MAP2K1: variants seen among roughly 807,000 people sequenced by gnomAD.
MAP2K1 encodes the protein mitogen-activated protein kinase kinase 1.
Under a neutral mutation model 46.3 loss-of-function variants are expected in MAP2K1, and 16 were observed. That is an observed-to-expected ratio of 0.35 (90% confidence interval 0.23 to 0.52). The LOEUF (loss-of-function observed/expected upper bound fraction) is 0.52. Ranked by LOEUF, MAP2K1 falls within the 20% of genes least tolerant of loss-of-function variation. The probability of loss-of-function intolerance (pLI) is 0.94; values close to 1 mark genes in which losing one functional copy is unlikely to be tolerated. For missense variants in MAP2K1, 263 were observed against 497.1 expected (o/e 0.53, Z 4.48); for synonymous variants, 183 against 185.6 (o/e 0.99, Z 0.11).
chr15:66,409,502 A>G lies in MAP2K1; in HGVS notation c.80+22075A>G, dbSNP rs2093406120. On this transcript the variant is annotated intron_variant, in intron 1 of 10. Coordinates refer to ENST00000307102, the MANE Select transcript of MAP2K1 (RefSeq NM_002755.4). ...ATGTGACATGGGTGGCTGAATTTACATGGCACCTGGTGGCTTCTCACACTC... is the reference window on the plus strand; with the variant it reads ...ATGTGACATGGGTGGCTGAATTTACGTGGCACCTGGTGGCTTCTCACACTC... 2.6e-5 allele frequency among the ~76,000 whole-genome samples: 4 copies of G among 152,216 alleles called. No homozygotes were observed. In the South Asian group the frequency reaches 8.3e-4, roughly 32 times the overall value.
chr15:66,410,212 C>T (rs2093407995), intron 1 of MAP2K1, among the ~76,000 whole-genome samples: 1 of 152,146 alleles, frequency 6.6e-6, no homozygotes, highest in Admixed American at 6.6e-5. Flanking sequence ...ATGGCATGTT[C>T]AGTTTGAAAT....
At chr15:66,484,869 G>C in intron 6 of MAP2K1, 121 bp from the exon 7 acceptor site, 1 of 893,414 alleles carries the variant, frequency 1.1e-6, no homozygotes, top group Non-Finnish European at 1.9e-6. Context: ...AAATTCAAGA[G>C]GTTAGTGGAG....
intron 1 of MAP2K1, among the ~76,000 whole-genome samples, chr15:66,428,462 A>G (rs1163027347): frequency 1.3e-5 from 2 of 152,144 alleles, no homozygotes; most frequent in Admixed American, 6.5e-5. Context: ...GTCCAGAGGC[A>G]GGCTACCAGC....
At chr15:66,489,082 G>A (rs1032474050) in intron 8 of MAP2K1, 133 bp from the exon 9 acceptor site, 1 of 745,566 alleles carries the variant, frequency 1.3e-6, no homozygotes, top group African/African-American at 1.7e-5. Flanking sequence ...CTGGATGAGA[G>A]TAGTACTGCC....
At chr15:66,490,315 T>C in intron 10 of MAP2K1, 187 bp from the exon 11 acceptor site, 1 of 700,560 alleles carries the variant, frequency 1.4e-6, no homozygotes, top group Non-Finnish European at 2.6e-6. Flanking sequence ...GCCTCACAGC[T>C]GCTGTGACTG....
chr15:66,455,506 CGTG>C (rs1166582953), intron 5 of MAP2K1, among the ~76,000 whole-genome samples: 9 of 152,160 alleles, frequency 5.9e-5, no homozygotes, highest in African/African-American at 1.4e-4. Flanking sequence ...AGAAGTGCCT[CGTG>C]GTATTTTGAG....
chr15:66,404,850 A>G (rs1255133563), intron 1 of MAP2K1, among the ~76,000 whole-genome samples: 3 of 152,322 alleles, frequency 2.0e-5, no homozygotes, highest in East Asian at 3.9e-4. Context: ...GCTTGCCCTC[A>G]GCTGAGGACC....
chr15:66,438,047 A>AT (rs2093493251), intron 3 of MAP2K1, among the ~76,000 whole-genome samples: 1 of 92,260 alleles, frequency 1.1e-5, no homozygotes, highest in Non-Finnish European at 2.4e-5. Flanking sequence ...ATTTATTTTT[A>AT]TTTTTTAGGG....
At chr15:66,441,121 T>A (rs2093502507) in intron 3 of MAP2K1, among the ~76,000 whole-genome samples, 1 of 152,094 alleles carries the variant, frequency 6.6e-6, no homozygotes, top group Non-Finnish European at 1.5e-5. Context: ...TGCATCACCA[T>A]GTCCAGCTAA....
At chr15:66,436,501 T>G (rs146273783) in intron 2 of MAP2K1, among the ~76,000 whole-genome samples, 3 of 152,278 alleles carry the variant, frequency 2.0e-5, no homozygotes, top group Non-Finnish European at 4.4e-5. Flanking sequence ...GAGTAAGCCC[T>G]CCCTTAACTT....
At chr15:66,454,865 A>G (rs957085467) in intron 5 of MAP2K1, among the ~76,000 whole-genome samples, 1 of 151,974 alleles carries the variant, frequency 6.6e-6, no homozygotes, top group African/African-American at 2.4e-5. Flanking sequence ...CCTAGGTGAC[A>G]GAGTGAGACT....
chr15:66,453,473 G>A (rs1237629569), intron 5 of MAP2K1: 1 of 702,232 alleles, frequency 1.4e-6, no homozygotes, highest in Admixed American at 2.0e-5. Flanking sequence ...AGAAGCCCTG[G>A]AAGAATGAAC....
At chr15:66,389,922 C>T (rs1421619359) in intron 1 of MAP2K1, among the ~76,000 whole-genome samples, 1 of 151,934 alleles carries the variant, frequency 6.6e-6, no homozygotes, top group Non-Finnish European at 1.5e-5. Flanking sequence ...TTTTTTTCAT[C>T]TGCAAAAATG....
At chr15:66,480,570 TA>T (rs1221965726) in intron 5 of MAP2K1, among the ~76,000 whole-genome samples, 1 of 150,912 alleles carries the variant, frequency 6.6e-6, no homozygotes, top group Non-Finnish European at 1.5e-5. Context: ...ACTCTGTGTC[TA>T]AAAAAAAATA....
chr15:66,478,399 T>TGTGTATATGTATATACACACAG (rs1892818212), intron 5 of MAP2K1, among the ~76,000 whole-genome samples: 1 of 101,592 alleles, frequency 9.8e-6, no homozygotes, highest in African/African-American at 4.1e-5. Flanking sequence ...GATATGTGTG[T>TGTGTATATGTATATACACACAG]GTATATATAT....
At chr15:66,405,717 C>T (rs969000585) in intron 1 of MAP2K1, among the ~76,000 whole-genome samples, 1 of 152,332 alleles carries the variant, frequency 6.6e-6, no homozygotes, top group South Asian at 2.1e-4. Context: ...AAACTAGATT[C>T]TTTCTCCCAA....
chr15:66,471,742 A>G (rs1387554739), intron 5 of MAP2K1, among the ~76,000 whole-genome samples: 1 of 152,144 alleles, frequency 6.6e-6, no homozygotes, highest in East Asian at 1.9e-4. Flanking sequence ...CAGGGACTCA[A>G]ATGCCATTAG....
intron 5 of MAP2K1, among the ~76,000 whole-genome samples, chr15:66,470,173 C>G (rs980984083): frequency 3.3e-5 from 4 of 122,936 alleles, no homozygotes; most frequent in African/African-American, 1.2e-4. Context: ...AACTTTCCTT[C>G]AAATTTGATC....
chr15:66,490,959 C>A lies in MAP2K1; in HGVS notation c.*344C>A, dbSNP rs1178109937. 1.8e-5 allele frequency: 8 copies of A among 441,046 alleles called. No homozygotes were observed. In the Admixed American group the frequency reaches 3.1e-4, roughly 17 times the overall value. The allele number at this position is 441,046 out of a possible 1,614,324, so 27.3% of individuals were successfully genotyped here. A position where few individuals can be genotyped will look rare whatever the true frequency, so the allele number is the denominator to read the frequency against. On this transcript the variant is annotated 3_prime_UTR_variant, in exon 11 of 11. Coordinates refer to ENST00000307102, the MANE Select transcript of MAP2K1 (RefSeq NM_002755.4). ...CTGTTCCTGCTCCATGACTGGCTGT[C>A]TGCCTGTATTTTCGGGATTCTTTGA... is the stretch of plus-strand genomic sequence containing the variant.
Sources: allele counts gnomAD v4.1 joint callset (sites outside exome capture counted in the v4.1 genomes callset), GRCh38; gene constraint gnomAD v4.1.1; transcripts MANE v1.5; gene names NCBI Gene and HGNC (gene_info 2026-07-23, HGNC 2026-07-21).